Variants in LRRTM4 observed in about 807,000 individuals in gnomAD.
LRRTM4 encodes leucine-rich repeat transmembrane neuronal protein 4.
In LRRTM4, 25 loss-of-function variants were observed where a neutral mutation model predicts 47.6. That is an observed-to-expected ratio of 0.53 (90% CI 0.38 to 0.73). LRRTM4 has a LOEUF of 0.73. Ranked by LOEUF, LRRTM4 falls within the 30% of genes least tolerant of loss-of-function variation. LRRTM4 has a pLI of 0.00. For missense variants in LRRTM4, 638 were observed against 713.4 expected, an observed-to-expected ratio of 0.89 and a Z score of 1.20; for synonymous variants, 311 against 269.5, an observed-to-expected ratio of 1.15 and a Z score of -1.51.
chr2:77,141,621 A>C (rs956246916), intron 3 of LRRTM4, among the ~76,000 whole-genome samples: 4 of 152,202 alleles, frequency 2.6e-5, no homozygotes, highest in Non-Finnish European at 4.4e-5. Flanking sequence ...AAAGTATTAA[A>C]AAAATGGTTT....
chr2:77,131,327 A>T (rs1335846388), intron 3 of LRRTM4, among the ~76,000 whole-genome samples: 2 of 152,138 alleles, frequency 1.3e-5, no homozygotes, highest in African/African-American at 4.8e-5. Flanking sequence ...TCCCTTCTAA[A>T]TGTGAAAGCT....
At chr2:77,351,047 T>C (rs1031033433) in intron 3 of LRRTM4, among the ~76,000 whole-genome samples, 1 of 152,302 alleles carries the variant, frequency 6.6e-6, no homozygotes, top group Non-Finnish European at 1.5e-5. Flanking sequence ...CATTAGTTAC[T>C]TTCCCTGAGC....
intron 3 of LRRTM4, among the ~76,000 whole-genome samples, chr2:77,143,897 T>G (rs1672189114): frequency 6.6e-6 from 1 of 152,198 alleles, no homozygotes; most frequent in African/African-American, 2.4e-5. Flanking sequence ...GTTAATGAGT[T>G]TACACACAGA....
intron 3 of LRRTM4, among the ~76,000 whole-genome samples, chr2:77,112,053 A>T (rs11895165): frequency 0.021 from 3,158 of 152,264 alleles, 110 homozygotes; most frequent in African/African-American, 0.064. Context: ...TTAATCTTAC[A>T]TGTGTAATTT....
intron 3 of LRRTM4, among the ~76,000 whole-genome samples, chr2:76,831,533 T>C (rs1352592369): frequency 6.6e-6 from 1 of 152,158 alleles, no homozygotes; most frequent in East Asian, 1.9e-4. Flanking sequence ...ATAGCACATA[T>C]AATTCCAAAC....
At chr2:77,054,162 CA>C (rs1388223457) in intron 3 of LRRTM4, among the ~76,000 whole-genome samples, 1 of 149,894 alleles carries the variant, frequency 6.7e-6, no homozygotes, top group Non-Finnish European at 1.5e-5. Context: ...GAGTCAGTAA[CA>C]GGGCAGGCCA....
intron 3 of LRRTM4, among the ~76,000 whole-genome samples, chr2:77,025,394 T>C (rs909435284): frequency 1.3e-5 from 2 of 151,998 alleles, no homozygotes; most frequent in African/African-American, 2.4e-5. Flanking sequence ...TTGGAGGAGG[T>C]CTTGGGTATG....
intron 3 of LRRTM4, among the ~76,000 whole-genome samples, chr2:77,221,520 G>A (rs1429659017): frequency 6.6e-6 from 1 of 151,996 alleles, no homozygotes; most frequent in Non-Finnish European, 1.5e-5. Context: ...GATCTACCAA[G>A]CAAATGGAAA....
chr2:77,462,841 T>C (rs543398717), intron 3 of LRRTM4, among the ~76,000 whole-genome samples: 18 of 151,992 alleles, frequency 1.2e-4, no homozygotes, highest in Non-Finnish European at 2.2e-4. Context: ...ATTTTGAGAC[T>C]AGGGCAACCC....
chr2:76,904,463 T>A (rs955586226), intron 3 of LRRTM4, among the ~76,000 whole-genome samples: 1 of 152,226 alleles, frequency 6.6e-6, no homozygotes, highest in African/African-American at 2.4e-5. Flanking sequence ...TATATTATTA[T>A]AGGAATATCT....
chr2:77,519,277 G>T lies in LRRTM4; in HGVS notation c.592C>A (p.Arg198=). Residue 198 remains arginine (R), a synonymous_variant, in exon 3 of 4, where the codon CGA becomes AGA. Coordinates refer to ENST00000409884, the MANE Select transcript of LRRTM4 (RefSeq NM_001134745.3). This position sits in a 1 kb window ranked among gnomAD's most constrained non-coding sequence, Gnocchi z 4.6. ...LGYNRLRSLS[R]NAFAGLLKLK... ...TTCAAGAGGCCAGCAAATGCATTTCGGGACAAGCTTCGAAGACGATTGTAA... is the reference window on the plus strand; with the variant it reads ...TTCAAGAGGCCAGCAAATGCATTTCTGGACAAGCTTCGAAGACGATTGTAA... The T allele has an allele frequency of 3.1e-6, 5 of 1,613,352 alleles. No homozygotes were observed. Among genetic ancestry groups the T allele is most frequent in the Non-Finnish European group, 4.2e-6 (5 of 1,179,566 alleles).
chr2:77,103,195 C>T lies in LRRTM4; in HGVS notation c.1552-354279G>A, dbSNP rs545520781. Among the ~76,000 whole-genome samples, 18 of 152,192 alleles carry T rather than the reference C, an allele frequency of 1.2e-4. No homozygotes were observed. In the East Asian group the frequency reaches 3.1e-3, roughly 26 times the overall value. On this transcript the variant is annotated intron_variant, in intron 3 of 3. Coordinates refer to ENST00000409884, the MANE Select transcript of LRRTM4 (RefSeq NM_001134745.3). ...CAGACTGTGGTTCAGAGGTAGAAGG[C>T]ACTGCCATAAGAAGCTGCTAACAAG...
At chr2:77,076,868 A>T (rs1680353300) in intron 3 of LRRTM4, among the ~76,000 whole-genome samples, 1 of 152,198 alleles carries the variant, frequency 6.6e-6, no homozygotes, top group Admixed American at 6.5e-5. Flanking sequence ...GCTATGCCAG[A>T]TTATAAGTAC....
intron 3 of LRRTM4, among the ~76,000 whole-genome samples, chr2:77,394,329 GT>G (rs2103820937): frequency 6.6e-6 from 1 of 152,056 alleles, no homozygotes; most frequent in South Asian, 2.1e-4. Flanking sequence ...CCATGTCAGT[GT>G]TTTCTCCTTC....
chr2:77,309,452 T>A (rs1677384333), intron 3 of LRRTM4, among the ~76,000 whole-genome samples: 1 of 152,202 alleles, frequency 6.6e-6, no homozygotes, highest in Admixed American at 6.5e-5. Context: ...AAGAATGTCT[T>A]GTAATCAATC....
intron 3 of LRRTM4, among the ~76,000 whole-genome samples, chr2:77,159,540 A>T (rs779686329): frequency 3.3e-5 from 5 of 151,818 alleles, no homozygotes; most frequent in Non-Finnish European, 7.4e-5. Flanking sequence ...AAAAAAAGAA[A>T]AAAAAAGGAA....
At chr2:77,499,048 G>A (rs975254786) in intron 3 of LRRTM4, among the ~76,000 whole-genome samples, 3 of 151,786 alleles carry the variant, frequency 2.0e-5, no homozygotes, top group African/African-American at 7.2e-5. Context: ...GCCTCTCCAA[G>A]ACCAGGTTTT....
At chr2:77,002,285 A>T (rs1273754290) in intron 3 of LRRTM4, among the ~76,000 whole-genome samples, 1 of 152,120 alleles carries the variant, frequency 6.6e-6, no homozygotes, top group East Asian at 1.9e-4. Flanking sequence ...AGAAGGAGTG[A>T]AATTTGGTGT....
intron 3 of LRRTM4, among the ~76,000 whole-genome samples, chr2:77,372,006 C>G (rs1391366806): frequency 2.6e-5 from 4 of 151,746 alleles, no homozygotes. Context: ...CATTGGTTCT[C>G]CATGCCCCTC....
Sources: gnomAD v4.1 joint callset for allele counts (sites outside exome capture counted in the v4.1 genomes callset) on GRCh38, gnomAD v4.1.1 for gene constraint, Gnocchi (gnomAD v3.1) non-coding constraint, MANE v1.5 for transcripts, NCBI Gene and HGNC (gene_info 2026-07-23, HGNC 2026-07-21) for gene names.